The following IFFO2 variants were observed in gnomAD, a reference collection of about 807,000 sequenced individuals.
IFFO2 encodes intermediate filament family orphan 2.
Under a neutral mutation model 53.5 loss-of-function variants are expected in IFFO2, and 19 were observed. The observed-to-expected ratio is 0.36, with a 90% confidence interval of 0.25 to 0.52. The LOEUF is 0.52. Ranked by LOEUF, IFFO2 falls within the 20% of genes least tolerant of loss-of-function variation. The pLI is 0.94. For missense variants in IFFO2, 570 were observed against 727.4 expected (o/e 0.78, Z 2.49); for synonymous variants, 303 against 313.6 (o/e 0.97, Z 0.36).
In IFFO2 at chr1:18,907,709, CACT is replaced by C. The variant is rs1935971960; in HGVS notation, c.*849_*851del. 2 of 152,382 alleles carry C rather than the reference CACT, an allele frequency of 1.3e-5. No individual in the cohort carries two copies. The highest frequency in any genetic ancestry group is 4.8e-5 in the African/African-American group (2 of 41,444). 9.4% of individuals were successfully genotyped at this position (152,382 alleles called of 1,614,324 possible). ...TCATGACCAACCTCGGCCAAACCCA[CACT>C]ACCCAGTCAGTGCTGCCACACAGAT... On this transcript the variant is annotated 3_prime_UTR_variant, in exon 9 of 9. Coordinates refer to ENST00000455833, the MANE Select transcript of IFFO2 (RefSeq NM_001136265.2).
intron 1 of IFFO2, among the ~76,000 whole-genome samples, chr1:18,955,073 G>A (rs993708487): frequency 3.3e-5 from 5 of 152,220 alleles, no homozygotes; most frequent in Admixed American, 1.3e-4. Context: ...GGGGGTAGGG[G>A]CAGATCCATC....
chr1:18,913,043 C>A (rs1276423184), intron 5 of IFFO2, among the ~76,000 whole-genome samples: 1 of 152,230 alleles, frequency 6.6e-6, no homozygotes, highest in East Asian at 1.9e-4. Context: ...TAGCACAGGA[C>A]AATGTGGACC....
intron 1 of IFFO2, among the ~76,000 whole-genome samples, chr1:18,943,276 G>A (rs1936543925): frequency 6.6e-6 from 1 of 152,140 alleles, no homozygotes; most frequent in South Asian, 2.1e-4. Context: ...CTCCTCGGGA[G>A]GCTGAGGCAG....
intron 7 of IFFO2, 115 bp downstream of exon 7, chr1:18,911,269 C>T: frequency 2.1e-6 from 1 of 473,134 alleles, no homozygotes; most frequent in Non-Finnish European, 3.6e-6. Context: ...CGATCCTGCG[C>T]CTGCCCCACT....
At chr1:18,923,999 T>G (rs1417218106) in intron 1 of IFFO2, among the ~76,000 whole-genome samples, 1 of 152,212 alleles carries the variant, frequency 6.6e-6, no homozygotes, top group Non-Finnish European at 1.5e-5. Context: ...ACGGGCTTTT[T>G]ATTTCCAAAG....
Position 18,918,571 on chromosome 1 carries a change from T to C in IFFO2, c.823-69A>G. The C allele has an allele frequency of 6.7e-7, 1 of 1,491,582 alleles. No individual in the cohort carries two copies. The highest frequency in any genetic ancestry group is 9.1e-7 in the Non-Finnish European group (1 of 1,100,988). The allele number at this position is 1,491,582 out of a possible 1,614,324, so 92.4% of individuals were successfully genotyped here. A position where few individuals can be genotyped will look rare whatever the true frequency, so the allele number is the denominator to read the frequency against. ...AAGCCTGGGGGGCTTGGCAGAGAGG[T>C]GGGGAGACCCCTAGGTGTCAGCAGG... On this transcript the variant is annotated intron_variant, in intron 3 of 8. Coordinates refer to ENST00000455833, the MANE Select transcript of IFFO2 (RefSeq NM_001136265.2). The surrounding 1 kb of genome is among the most constrained non-coding windows in gnomAD (Gnocchi z 5.2).
Position 18,911,364 on chromosome 1 carries a change from TC to T in IFFO2, c.1317+19del. ...CCTCAGGAGAGCCTCACGAGTGGGC[TC>T]CACGTCCCGAGCCCTCACCTCGATC... On this transcript the variant is annotated intron_variant, in intron 7 of 8. Transcript: ENST00000455833. 7.2e-7 allele frequency: 1 copy of T among 1,384,318 alleles called. No homozygotes were observed. The highest frequency in any genetic ancestry group is 9.7e-7 in the Non-Finnish European group (1 of 1,026,152). The allele number at this position is 1,384,318 out of a possible 1,614,324, so 85.8% of individuals were successfully genotyped here. A position where few individuals can be genotyped will look rare whatever the true frequency, so the allele number is the denominator to read the frequency against.
At position 18,916,826 on chromosome 1, in the gene IFFO2, G is replaced by T. The variant is rs1172592944; in HGVS notation, c.1103+77C>A. The T allele has an allele frequency of 1.3e-6, 2 of 1,495,734 alleles. No individual in the cohort carries two copies. The highest frequency in any genetic ancestry group is 1.8e-6 in the Non-Finnish European group (2 of 1,103,492). 92.7% of individuals were successfully genotyped at this position (1,495,734 alleles called of 1,614,324 possible). ...CTTCCAGTGCTGCAGGCTACTCTCA[G>T]CCCAAGCCTCCCATTCACCGCCCCT... On this transcript the variant is annotated intron_variant, in intron 5 of 8. Coordinates refer to ENST00000455833, the MANE Select transcript of IFFO2 (RefSeq NM_001136265.2). This position sits in a 1 kb window ranked among gnomAD's most constrained non-coding sequence, Gnocchi z 4.3.
chr1:18,951,023 G>A (rs930510303), intron 1 of IFFO2, among the ~76,000 whole-genome samples: 8 of 152,216 alleles, frequency 5.3e-5, no homozygotes, highest in Non-Finnish European at 1.0e-4. Flanking sequence ...AGCTCTGCAC[G>A]GCAGATGGAA....
At position 18,906,408 on chromosome 1, in the gene IFFO2, C is replaced by G. The variant is rs1377056673; in HGVS notation, c.*2153G>C. The G allele has an allele frequency of 1.3e-5, 2 of 152,264 alleles. No individual in the cohort carries two copies. The highest frequency in any genetic ancestry group is 4.8e-5 in the African/African-American group (2 of 41,442). The allele number at this position is 152,264 out of a possible 1,614,324, so 9.4% of individuals were successfully genotyped here. On this transcript the variant is annotated 3_prime_UTR_variant, in exon 9 of 9. Transcript: ENST00000455833. ...TAAAGATATATCTGTCACCCTCCCA[C>G]CACCTTGGGGAACAACCCAGGGCCG...
intron 1 of IFFO2, among the ~76,000 whole-genome samples, chr1:18,937,346 C>T (rs565101247): frequency 3.3e-5 from 5 of 152,282 alleles, no homozygotes; most frequent in Middle Eastern, 3.4e-3. Flanking sequence ...TGCAAACACG[C>T]GCACCAAAAG....
intron 1 of IFFO2, among the ~76,000 whole-genome samples, chr1:18,955,074 C>A (rs1936706903): frequency 1.3e-5 from 2 of 152,268 alleles, no homozygotes; most frequent in South Asian, 4.2e-4. Context: ...GGGGTAGGGG[C>A]AGATCCATCC....
intron 1 of IFFO2, among the ~76,000 whole-genome samples, chr1:18,950,587 G>T (rs1397604261): frequency 1.3e-5 from 2 of 152,228 alleles, no homozygotes; most frequent in African/African-American, 4.8e-5. Flanking sequence ...ACCATCGAAG[G>T]CTGCCTCACT....
chr1:18,914,822 CAAAA>C (rs71030111), intron 5 of IFFO2, among the ~76,000 whole-genome samples: 2 of 72,136 alleles, frequency 2.8e-5, no homozygotes, highest in African/African-American at 9.7e-5. Context: ...GGCTCCATCT[CAAAA>C]AAAAAAAAAA....
At chr1:18,938,578 AGGCCTC>A (rs1376427482) in intron 1 of IFFO2, among the ~76,000 whole-genome samples, 1 of 152,228 alleles carries the variant, frequency 6.6e-6, no homozygotes, top group Non-Finnish European at 1.5e-5. Context: ...AACCACCAGC[AGGCCTC>A]GGGGGAAGCC....
In IFFO2 at chr1:18,955,975, C is replaced by A; in HGVS notation, c.358G>T (p.Gly120Cys). Residue 120 changes from glycine to cysteine, a missense_variant, in exon 1 of 9, where the codon GGC becomes TGC. Physicochemically the swap from Gly to Cys is radical, Grantham distance 159. Coordinates refer to ENST00000455833, the MANE Select transcript of IFFO2 (RefSeq NM_001136265.2). ...GPELLRPPAP[G>C]GGHGLSSGAA... Reference sequence around the variant, plus strand: ...CCACTGCTGAGGCCGTGCCCGCCGCCGGGCGCCGGGGGCCGCAGCAACTCG... The same window carrying A: ...CCACTGCTGAGGCCGTGCCCGCCGCAGGGCGCCGGGGGCCGCAGCAACTCG... 1.5e-6 allele frequency: 2 copies of A among 1,327,802 alleles called. No homozygotes were observed. The highest frequency in any genetic ancestry group is 3.4e-5 in the South Asian group (2 of 58,820). The allele number at this position is 1,327,802 out of a possible 1,614,324, so 82.3% of individuals were successfully genotyped here. A position where few individuals can be genotyped will look rare whatever the true frequency, so the allele number is the denominator to read the frequency against.
chr1:18,911,417 G>T lies in IFFO2; in HGVS notation c.1284C>A (p.Asp428Glu), dbSNP rs1400093393. The change falls in exon 7 of 9, where the codon GAC becomes GAA. Residue 428 changes from aspartate (D) to glutamate (E), a missense_variant. By Grantham distance (45) the Asp-to-Glu change is conservative. Coordinates refer to ENST00000455833, the MANE Select transcript of IFFO2 (RefSeq NM_001136265.2). ...GACCTATCGTTTCCTGGTACTCCTTGTCTCTCGTCTTGAAGAAGGATTCGG... is the reference window on the plus strand; with the variant it reads ...GACCTATCGTTTCCTGGTACTCCTTTTCTCTCGTCTTGAAGAAGGATTCGG... ...HETESFFKTR[D>E]KEYQETIGQI... 3.9e-6 allele frequency: 6 copies of T among 1,522,706 alleles called. No homozygotes were observed. The highest frequency in any genetic ancestry group is 2.6e-5 in the East Asian group (1 of 38,530). The allele number at this position is 1,522,706 out of a possible 1,614,324, so 94.3% of individuals were successfully genotyped here.
intron 1 of IFFO2, among the ~76,000 whole-genome samples, chr1:18,954,574 T>A (rs1322336136): frequency 6.6e-6 from 1 of 152,248 alleles, no homozygotes; most frequent in African/African-American, 2.4e-5. Context: ...TGCCTGTGCC[T>A]GGAACAGCGA....
chr1:18,923,135 T>C (rs530954477), intron 1 of IFFO2, among the ~76,000 whole-genome samples: 1 of 152,324 alleles, frequency 6.6e-6, no homozygotes, highest in East Asian at 1.9e-4. Flanking sequence ...GCCTGGAGTC[T>C]AGAGCGAACC....
Sources: allele counts gnomAD v4.1 joint callset (sites outside exome capture counted in the v4.1 genomes callset), GRCh38; gene constraint gnomAD v4.1.1; non-coding constraint Gnocchi (gnomAD v3.1); transcripts MANE v1.5; gene names NCBI Gene and HGNC (gene_info 2026-07-23, HGNC 2026-07-21).